The following RYR3 variants were observed in gnomAD, a reference collection of about 807,000 sequenced individuals.
RYR3 encodes the protein brain ryanodine receptor-calcium release channel.
A neutral mutation model predicts 584.3 loss-of-function variants in RYR3; 207 were observed. The observed-to-expected ratio is 0.35, with a 90% confidence interval of 0.32 to 0.40. The LOEUF (loss-of-function observed/expected upper bound fraction) is 0.40, where lower values mean the gene tolerates loss of function less well. RYR3 is among the 10% of genes least tolerant of loss of function. The pLI is 1.00. For synonymous variants in RYR3, 2,416 were observed against 2,248.5 expected, an observed-to-expected ratio of 1.07 and a Z score of -2.11; for missense variants, 5,616 against 6,089.2, an observed-to-expected ratio of 0.92 and a Z score of 2.59.
At chr15:33,600,620 A>G (rs1483964036) in intron 16 of RYR3, among the ~76,000 whole-genome samples, 2 of 152,102 alleles carry the variant, frequency 1.3e-5, no homozygotes, top group Non-Finnish European at 2.9e-5. Flanking sequence ...TCTTAGATTC[A>G]TGGGCCACCT....
chr15:33,805,469 C>CTT (rs61113827), intron 69 of RYR3, among the ~76,000 whole-genome samples: 1 of 138,292 alleles, frequency 7.2e-6, no homozygotes. Context: ...TTTTCTCTCT[C>CTT]TTTTTTTTTT....
At chr15:33,543,517 A>C in intron 7 of RYR3, 105 bp from the exon 8 acceptor site, 16 of 767,582 alleles carry the variant, frequency 2.1e-5, no homozygotes, top group African/African-American at 3.4e-5. Flanking sequence ...CTCTCTCAGT[A>C]TTTACCGTAA....
intron 12 of RYR3, among the ~76,000 whole-genome samples, chr15:33,573,280 TGAA>T (rs1037341349): frequency 5.3e-5 from 8 of 152,112 alleles, no homozygotes; most frequent in African/African-American, 1.9e-4. Context: ...AGCTAGGAAG[TGAA>T]GGAGAAAAAA....
intron 1 of RYR3, among the ~76,000 whole-genome samples, chr15:33,354,508 A>C (rs1401383394): frequency 6.6e-6 from 1 of 152,242 alleles, no homozygotes; most frequent in African/African-American, 2.4e-5. Context: ...CTTTACAAAA[A>C]AGAAAAACTG....
At chr15:33,771,079 A>C (rs2073529542) in intron 62 of RYR3, among the ~76,000 whole-genome samples, 1 of 152,100 alleles carries the variant, frequency 6.6e-6, no homozygotes, top group Non-Finnish European at 1.5e-5. Flanking sequence ...TAAGCTGTCT[A>C]CTTTAAAACG....
intron 24 of RYR3, 61 bp from the exon 25 acceptor site, chr15:33,634,525 G>A: frequency 6.4e-7 from 1 of 1,565,948 alleles, no homozygotes; most frequent in Non-Finnish European, 8.8e-7. Flanking sequence ...TATGTGAATA[G>A]GGTGAGCTGT....
At chr15:33,750,383 T>C (rs982538341) in intron 57 of RYR3, 97 bp downstream of exon 57, 11 of 1,222,226 alleles carry the variant, frequency 9.0e-6, no homozygotes, top group Middle Eastern at 5.0e-4. Context: ...AGGAGAACAA[T>C]TGAGTCTTTT....
Position 33,587,304 on chromosome 15 carries a change from C to G in RYR3, c.1788+1188C>G, listed in dbSNP as rs576086387. Among the ~76,000 whole-genome samples, 122 of 152,310 alleles carry G rather than the reference C, an allele frequency of 8.0e-4. 2 individuals are homozygous for G. The highest frequency in any genetic ancestry group is 7.4e-5 in the Non-Finnish European group (5 of 68,024). ...GTGTAATGAGAATAATCAATAGGCA[C>G]CTGAGCAACACGTGCTAGGAGCCAC... On this transcript the variant is annotated intron_variant, in intron 16 of 103. Coordinates refer to ENST00000634891, the MANE Select transcript of RYR3 (RefSeq NM_001036.6).
chr15:33,542,574 A>G (rs2055909328), intron 7 of RYR3, among the ~76,000 whole-genome samples: 1 of 152,254 alleles, frequency 6.6e-6, no homozygotes, highest in South Asian at 2.1e-4. Context: ...TGCCTTGTCT[A>G]GGTAAAAAAA....
chr15:33,554,671 A>G (rs1332119292), intron 10 of RYR3, among the ~76,000 whole-genome samples: 4 of 152,200 alleles, frequency 2.6e-5, no homozygotes, highest in Admixed American at 2.0e-4. Flanking sequence ...TTCCCAGTAC[A>G]CACCCAATGA....
chr15:33,810,771 G>T, intron 71 of RYR3, 122 bp downstream of exon 71: 1 of 1,258,064 alleles, frequency 7.9e-7, no homozygotes. Flanking sequence ...AGAAACCAGT[G>T]TGTATGGAGG....
At chr15:33,557,540 G>A (rs746858735) in intron 10 of RYR3, among the ~76,000 whole-genome samples, 10 of 151,854 alleles carry the variant, frequency 6.6e-5, no homozygotes, top group African/African-American at 9.7e-5. Flanking sequence ...ACGTACCAAC[G>A]CACCCAGCTA....
intron 42 of RYR3, among the ~76,000 whole-genome samples, 197 bp from the exon 43 acceptor site, chr15:33,706,722 G>A (rs1438170442): frequency 1.3e-5 from 2 of 152,120 alleles, no homozygotes; most frequent in African/African-American, 4.8e-5. Flanking sequence ...GGATCATATA[G>A]CAATTCTGTT....
chr15:33,740,235 A>G (rs1375388270), intron 51 of RYR3, among the ~76,000 whole-genome samples: 3 of 152,164 alleles, frequency 2.0e-5, no homozygotes, highest in Non-Finnish European at 2.9e-5. Flanking sequence ...CCAGAGATAG[A>G]CGTTCCCACA....
rs773534173 is a variant in RYR3, at chr15:33,800,793, A to T, written c.9854A>T (p.Asp3285Val). Residue 3285 changes from aspartate (D) to valine (V), a missense_variant, in exon 68 of 104, where the codon GAT becomes GTT. Physicochemically the swap from Asp to Val is radical, Grantham distance 152. Around this residue, in one of 9 missense-constraint regions of RYR3, gnomAD observed 954 missense variants for 1,132.2 expected, o/e 0.84. Transcript: ENST00000634891. ...NNRSNWLKSP[D>V]ADSDQLFRMV... ...AGATCTAACTGGCTGAAAAGTCCTGATGCTGATTCTGACCAGCTCTTCCGC... is the reference window on the plus strand; with the variant it reads ...AGATCTAACTGGCTGAAAAGTCCTGTTGCTGATTCTGACCAGCTCTTCCGC... 6.2e-7 allele frequency: 1 copy of T among 1,613,788 alleles called. No individual in the cohort carries two copies. The highest frequency in any genetic ancestry group is 8.5e-7 in the Non-Finnish European group (1 of 1,179,678).
intron 36 of RYR3, among the ~76,000 whole-genome samples, chr15:33,668,332 C>G (rs1447539461): frequency 6.6e-6 from 1 of 151,730 alleles, no homozygotes; most frequent in Non-Finnish European, 1.5e-5. Context: ...AACAAACAAA[C>G]AAACAAAAAA....
chr15:33,805,730 G>T (rs1023889388), intron 69 of RYR3, among the ~76,000 whole-genome samples: 2 of 151,920 alleles, frequency 1.3e-5, no homozygotes, highest in Admixed American at 6.6e-5. Flanking sequence ...GCCCGCCTCG[G>T]CCTCCCAAAG....
At chr15:33,416,270 A>G (rs748817401) in intron 1 of RYR3, among the ~76,000 whole-genome samples, 2 of 152,160 alleles carry the variant, frequency 1.3e-5, no homozygotes, top group Admixed American at 6.5e-5. Flanking sequence ...GTTATTTAAG[A>G]AATCTCCAAG....
In RYR3 at chr15:33,633,346, G is replaced by C. The variant is rs1267760733; in HGVS notation, c.3027+238G>C. ...ACGTATCTACTGGTGAGGATGAAATGGAGGGGAAGCTAGCCCAGCACAGCA... is the reference window on the plus strand; with the variant it reads ...ACGTATCTACTGGTGAGGATGAAATCGAGGGGAAGCTAGCCCAGCACAGCA... On this transcript the variant is annotated intron_variant, in intron 24 of 103. Coordinates refer to ENST00000634891, the MANE Select transcript of RYR3 (RefSeq NM_001036.6). 5.3e-5 allele frequency among the ~76,000 whole-genome samples: 8 copies of C among 152,348 alleles called. No individual in the cohort carries two copies. In the East Asian group the frequency reaches 1.5e-3, roughly 29 times the overall value.
Sources: allele counts gnomAD v4.1 joint callset (sites outside exome capture counted in the v4.1 genomes callset), GRCh38; gene constraint gnomAD v4.1.1; regional missense constraint gnomAD v4.1.1; transcripts MANE v1.5; gene names NCBI Gene and HGNC (gene_info 2026-07-23, HGNC 2026-07-21).